Variants in NELL1 observed in about 807,000 individuals in gnomAD.
The protein encoded by NELL1 is protein kinase C-binding protein NELL1.
Under a neutral mutation model 107.4 loss-of-function variants are expected in NELL1, and 76 were observed. That is an observed-to-expected ratio of 0.71 (90% CI 0.59 to 0.86). The LOEUF is 0.86. NELL1 is among the 40% of genes least tolerant of loss of function. The pLI is 0.00. For synonymous variants in NELL1, 353 were observed against 341.2 expected, an observed-to-expected ratio of 1.03 and a Z score of -0.38; for missense variants, 1,024 against 1,005.5, an observed-to-expected ratio of 1.02 and a Z score of -0.25.
intron 14 of NELL1, among the ~76,000 whole-genome samples, chr11:21,300,762 T>A (rs1489483404): frequency 6.6e-6 from 1 of 152,082 alleles, no homozygotes; most frequent in African/African-American, 2.4e-5. Context: ...TTTCTTTTTT[T>A]AATTATTATA....
chr11:20,680,493 G>T (rs1437883336), intron 2 of NELL1, among the ~76,000 whole-genome samples: 2 of 152,050 alleles, frequency 1.3e-5, no homozygotes, highest in African/African-American at 4.8e-5. Flanking sequence ...TCTCTTTATT[G>T]TGGTCTTATG....
intron 3 of NELL1, among the ~76,000 whole-genome samples, chr11:20,795,012 G>GT (rs1240520386): frequency 6.6e-6 from 1 of 152,142 alleles, no homozygotes; most frequent in African/African-American, 2.4e-5. Flanking sequence ...GGAAATCACT[G>GT]TTTCCAATCT....
intron 3 of NELL1, among the ~76,000 whole-genome samples, chr11:20,831,152 C>T (rs1858000739): frequency 6.6e-6 from 1 of 152,170 alleles, no homozygotes; most frequent in Admixed American, 6.5e-5. Context: ...GAGAAGAATA[C>T]CTTCTAATAT....
intron 3 of NELL1, among the ~76,000 whole-genome samples, chr11:20,790,891 C>A (rs1857061050): frequency 6.6e-6 from 1 of 152,194 alleles, no homozygotes; most frequent in Non-Finnish European, 1.5e-5. Context: ...GTGATGGTAG[C>A]GGCTGCTCCA....
chr11:21,046,550 T>C (rs1220503986), intron 12 of NELL1, among the ~76,000 whole-genome samples: 1 of 152,214 alleles, frequency 6.6e-6, no homozygotes, highest in African/African-American at 2.4e-5. Context: ...TTTGTTCTTT[T>C]CTTATCAATA....
intron 4 of NELL1, among the ~76,000 whole-genome samples, chr11:20,876,061 G>A (rs553267913): frequency 7.2e-5 from 11 of 152,290 alleles, no homozygotes; most frequent in African/African-American, 1.9e-4. Flanking sequence ...ATTTATCACA[G>A]CAAAGGCATC....
At chr11:20,908,982 G>T (rs1850066473) in intron 5 of NELL1, among the ~76,000 whole-genome samples, 1 of 152,140 alleles carries the variant, frequency 6.6e-6, no homozygotes, top group South Asian at 2.1e-4. Flanking sequence ...TATCCAGTGG[G>T]ATATTATTCA....
Position 21,334,922 on chromosome 11 carries a change from C to G in NELL1, c.1550-35931C>G, listed in dbSNP as rs1850356605. Among the ~76,000 whole-genome samples the G allele has an allele frequency of 2.0e-5, 3 of 151,880 alleles. No homozygotes were observed. In the South Asian group the frequency reaches 6.2e-4, roughly 31 times the overall value. ...AAAAACAGATAAAATGCCTAGCTGT[C>G]CCAGAGCAGGATTAGCAAACATGTT... is the stretch of plus-strand genomic sequence containing the variant. On this transcript the variant is annotated intron_variant, in intron 14 of 19. Coordinates refer to ENST00000357134, the MANE Select transcript of NELL1 (RefSeq NM_006157.5).
chr11:20,871,088 T>C (rs568324600), intron 4 of NELL1, among the ~76,000 whole-genome samples: 43 of 152,308 alleles, frequency 2.8e-4, no homozygotes, highest in African/African-American at 9.9e-4. Context: ...TTCTTCACTT[T>C]TTGTTTTTGT....
intron 2 of NELL1, among the ~76,000 whole-genome samples, chr11:20,755,548 TTGTTTTTGTTTTTG>T (rs1181156592): frequency 0.025 from 998 of 40,656 alleles, 18 homozygotes; most frequent in Middle Eastern, 0.068. Context: ...TTGTTTTTTT[TTGTTTTTGTTTTTG>T]TTTTTTTTTT....
At chr11:21,096,181 C>T (rs112434965) in intron 12 of NELL1, among the ~76,000 whole-genome samples, 3 of 152,268 alleles carry the variant, frequency 2.0e-5, no homozygotes, top group East Asian at 3.9e-4. Flanking sequence ...CCTCTTCTAG[C>T]GCCAATGTCC....
At chr11:21,004,153 T>C (rs1324486260) in intron 12 of NELL1, among the ~76,000 whole-genome samples, 1 of 152,130 alleles carries the variant, frequency 6.6e-6, no homozygotes, top group Non-Finnish European at 1.5e-5. Context: ...TTAGTTATTT[T>C]AGTTATTTCT....
At chr11:21,573,707 TTAAA>T (rs1382842289) in intron 19 of NELL1, among the ~76,000 whole-genome samples, 1 of 146,962 alleles carries the variant, frequency 6.8e-6, no homozygotes, top group African/African-American at 2.6e-5. Flanking sequence ...GACATGCATA[TTAAA>T]TAAAAAGAAA....
chr11:21,458,132 G>A (rs560080482), intron 15 of NELL1, among the ~76,000 whole-genome samples: 1 of 152,272 alleles, frequency 6.6e-6, no homozygotes, highest in South Asian at 2.1e-4. Flanking sequence ...ATTGTTTTTA[G>A]TAGGTAAAAC....
At chr11:21,019,231 T>C (rs1055322628) in intron 12 of NELL1, among the ~76,000 whole-genome samples, 3 of 152,144 alleles carry the variant, frequency 2.0e-5, no homozygotes, top group African/African-American at 7.2e-5. Flanking sequence ...TTAAATTTCC[T>C]AATTCTAGGG....
In NELL1 at chr11:21,554,002, C is replaced by G. The variant is rs190523223; in HGVS notation, c.1787-6187C>G. Among the ~76,000 whole-genome samples, 7 of 151,704 alleles carry G rather than the reference C, an allele frequency of 4.6e-5. No homozygotes were observed. In the East Asian group the frequency reaches 9.7e-4, roughly 21 times the overall value. ...TACAAACCACCCTCCTACTCATAAG[C>G]AGATATGTAAAAACATATAAATCGT... On this transcript the variant is annotated intron_variant, in intron 16 of 19. Transcript: ENST00000357134.
In NELL1 at chr11:21,336,113, G is replaced by A. The variant is rs955827189; in HGVS notation, c.1550-34740G>A. On this transcript the variant is annotated intron_variant, in intron 14 of 19. Transcript: ENST00000357134. ...TAAAAACTGTTATTGAGATGTCAAA[G>A]CCTCAGTGTTTTTTTCGTAAACTTT... is the stretch of plus-strand genomic sequence containing the variant. Among the ~76,000 whole-genome samples the A allele has an allele frequency of 7.2e-4, 109 of 151,930 alleles. 1 individual carries two copies. Among genetic ancestry groups the A allele is most frequent in the Non-Finnish European group, 2.2e-4 (15 of 67,930 alleles).
At chr11:21,321,233 C>T (rs772679830) in intron 14 of NELL1, among the ~76,000 whole-genome samples, 1 of 152,156 alleles carries the variant, frequency 6.6e-6, no homozygotes, top group East Asian at 1.9e-4. Flanking sequence ...GACAGGTGCT[C>T]ATTGTGGGCC....
At chr11:20,751,216 CATTTT>C (rs1856131350) in intron 2 of NELL1, among the ~76,000 whole-genome samples, 1 of 151,372 alleles carries the variant, frequency 6.6e-6, no homozygotes, top group African/African-American at 2.4e-5. Flanking sequence ...AGGTTCTTTT[CATTTT>C]AATTTACATT....
Sources: allele counts gnomAD v4.1 joint callset (sites outside exome capture counted in the v4.1 genomes callset), GRCh38; gene constraint gnomAD v4.1.1; transcripts MANE v1.5; gene names NCBI Gene and HGNC (gene_info 2026-07-23, HGNC 2026-07-21).